Variants in PCDH11X observed in about 807,000 individuals in gnomAD.
PCDH11X encodes protocadherin 11 X-linked.
In PCDH11X, 18 loss-of-function variants were observed where a neutral mutation model predicts 53.3. The observed-to-expected ratio is 0.34, with a 90% confidence interval of 0.23 to 0.50. The LOEUF (loss-of-function observed/expected upper bound fraction) is 0.50, where lower values mean the gene tolerates loss of function less well. Among genes scored for constraint, PCDH11X ranks in the 20% least tolerant of loss-of-function variants. The probability of loss-of-function intolerance (pLI) is 0.98; values close to 1 mark genes in which losing one functional copy is unlikely to be tolerated. For synonymous variants in PCDH11X, 279 were observed against 393.3 expected, an observed-to-expected ratio of 0.71 and a Z score of 3.44; for missense variants, 570 against 1,032.4, an observed-to-expected ratio of 0.55 and a Z score of 6.14.
chrX:92,195,816 A>T (rs2148314756), intron 6 of PCDH11X, among the ~76,000 whole-genome samples: 1 of 112,167 alleles, frequency 8.9e-6, no homozygotes, highest in East Asian at 2.8e-4. Context: ...CAAAGAATAA[A>T]GGAGAATTAA....
intron 7 of PCDH11X, among the ~76,000 whole-genome samples, chrX:92,230,286 A>G (rs1353976954): frequency 5.8e-5 from 6 of 104,031 alleles, no homozygotes; most frequent in African/African-American, 2.1e-4. Context: ...CACATGAAGT[A>G]AAAAAAAAGT....
chrX:91,981,071 T>G (rs1054805880), intron 6 of PCDH11X, among the ~76,000 whole-genome samples: 4 of 103,571 alleles, frequency 3.9e-5, no homozygotes, highest in African/African-American at 1.4e-4. Context: ...TATATTTATA[T>G]ACACTGAATA....
intron 6 of PCDH11X, among the ~76,000 whole-genome samples, chrX:92,132,215 G>A (rs113795147): frequency 8.9e-5 from 8 of 90,195 alleles, no homozygotes; most frequent in Non-Finnish European, 6.3e-5. Flanking sequence ...AACCCGGGAG[G>A]CAGAGGTTGC....
At position 91,971,181 on chromosome X, in the gene PCDH11X, ATCT is replaced by A. The variant is rs199512562; in HGVS notation, c.3033+91917_3033+91919del. Among the ~76,000 whole-genome samples the A allele has an allele frequency of 8.4e-3, 935 of 110,956 alleles. 9 individuals carry two copies. The highest frequency in any genetic ancestry group is 0.029 in the African/African-American group (896 of 30,398). ...TTTTGCACTTGGGGAATTTTTCTTG[ATCT>A]TCTTCTTCAAAAGGAGCAGAGAATT... On this transcript the variant is annotated intron_variant, in intron 6 of 10. Coordinates refer to ENST00000682573, the MANE Select transcript of PCDH11X (RefSeq NM_032968.5).
chrX:91,961,628 G>A (rs998468438), intron 6 of PCDH11X, among the ~76,000 whole-genome samples: 9 of 108,928 alleles, frequency 8.3e-5, no homozygotes, highest in African/African-American at 1.3e-4. Flanking sequence ...AAAATCAACA[G>A]GGAAAGATCA....
chrX:91,928,394 T>G (rs2147833838), intron 6 of PCDH11X, among the ~76,000 whole-genome samples: 1 of 104,330 alleles, frequency 9.6e-6, no homozygotes, highest in Non-Finnish European at 2.0e-5. Context: ...ATGCCCTGAT[T>G]AAATTTATTA....
intron 6 of PCDH11X, among the ~76,000 whole-genome samples, chrX:92,163,546 T>G (rs1261276606): frequency 1.8e-5 from 2 of 110,998 alleles, no homozygotes; most frequent in African/African-American, 6.6e-5. Context: ...TTCACTTGGC[T>G]ATCTAAATTG....
chrX:92,575,691 A>C (rs1922741178), intron 10 of PCDH11X, among the ~76,000 whole-genome samples: 2 of 106,192 alleles, frequency 1.9e-5, no homozygotes, highest in South Asian at 8.3e-4. Flanking sequence ...CAACTTCCTC[A>C]TTCTTCCCAA....
At chrX:92,475,164 CA>C (rs761171281) in intron 10 of PCDH11X, among the ~76,000 whole-genome samples, 162 of 30,481 alleles carry the variant, frequency 5.3e-3, no homozygotes, top group African/African-American at 9.5e-3. Context: ...GACTCCGTCT[CA>C]AAAAAAAAAA....
At chrX:92,013,037 C>T (rs1176180232) in intron 6 of PCDH11X, among the ~76,000 whole-genome samples, 33 of 111,351 alleles carry the variant, frequency 3.0e-4, no homozygotes, top group Middle Eastern at 4.6e-3. Context: ...CCAAGGCAAT[C>T]AGGCAGGAGA....
At chrX:91,838,478 C>G (rs747946742) in intron 5 of PCDH11X, among the ~76,000 whole-genome samples, 1 of 111,468 alleles carries the variant, frequency 9.0e-6, no homozygotes, top group Admixed American at 9.6e-5. Context: ...CAAAGCATAG[C>G]CCCAGGCATG....
At chrX:92,250,969 T>C (rs967198438) in intron 7 of PCDH11X, among the ~76,000 whole-genome samples, 9 of 110,964 alleles carry the variant, frequency 8.1e-5, no homozygotes, top group African/African-American at 2.9e-4. Context: ...AACCTCTGAA[T>C]TGACACTTTA....
intron 9 of PCDH11X, among the ~76,000 whole-genome samples, chrX:92,422,134 C>CTTTTTTTTTTTTTTTTTTTTTTTT: frequency 1.2e-5 from 1 of 86,329 alleles, no homozygotes; most frequent in Non-Finnish European, 2.3e-5. Flanking sequence ...AATTTCTTTT[C>CTTTTTTTTTTTTTTTTTTTTTTTT]TTTTTTTTTT....
intron 6 of PCDH11X, among the ~76,000 whole-genome samples, chrX:92,173,600 T>C (rs781334957): frequency 1.8e-5 from 2 of 110,873 alleles, no homozygotes; most frequent in African/African-American, 6.5e-5. Context: ...GACCCTACTT[T>C]CCTACTCAAT....
intron 9 of PCDH11X, among the ~76,000 whole-genome samples, chrX:92,408,932 A>G (rs1253788034): frequency 1.9e-5 from 2 of 104,620 alleles, no homozygotes; most frequent in Admixed American, 2.0e-4. Context: ...ATTTATCTAT[A>G]TAAATGCCTG....
chrX:92,312,458 A>G (rs2068970978), intron 8 of PCDH11X, among the ~76,000 whole-genome samples: 1 of 110,490 alleles, frequency 9.1e-6, no homozygotes, highest in Non-Finnish European at 1.9e-5. Context: ...TACGATTTTT[A>G]TATTAACTTA....
intron 9 of PCDH11X, among the ~76,000 whole-genome samples, chrX:92,418,872 T>C (rs2071879978): frequency 9.5e-6 from 1 of 104,872 alleles, no homozygotes; most frequent in Non-Finnish European, 2.0e-5. Context: ...CTTTTCTAGT[T>C]TGTAGTATTT....
intron 8 of PCDH11X, among the ~76,000 whole-genome samples, chrX:92,375,787 CTAATTTTTGTATTTTTAG>C (rs1269230900): frequency 1.9e-5 from 2 of 108,038 alleles, no homozygotes; most frequent in Non-Finnish European, 3.8e-5. Flanking sequence ...CCACGCCCGG[CTAATTTTTGTATTTTTAG>C]TAGAGACAGG....
At chrX:92,250,032 A>G (rs748867429) in intron 7 of PCDH11X, among the ~76,000 whole-genome samples, 1 of 111,322 alleles carries the variant, frequency 9.0e-6, no homozygotes, top group East Asian at 2.8e-4. Context: ...CATTCGCTCT[A>G]ACGGAGGGAA....
Sources: allele counts gnomAD v4.1 joint callset (sites outside exome capture counted in the v4.1 genomes callset), GRCh38; gene constraint gnomAD v4.1.1; transcripts MANE v1.5; gene names NCBI Gene and HGNC (gene_info 2026-07-23, HGNC 2026-07-21).